The following ALK variants were observed in gnomAD, a reference collection of about 807,000 sequenced individuals.
The protein encoded by ALK is ALK receptor tyrosine kinase.
A neutral mutation model predicts 163.1 loss-of-function variants in ALK; 74 were observed. The ratio of observed to expected loss-of-function variants is 0.45; its 90% CI spans 0.38 to 0.55. The LOEUF (loss-of-function observed/expected upper bound fraction) is 0.55. Ranked by LOEUF, ALK falls within the 20% of genes least tolerant of loss-of-function variation. The probability of loss-of-function intolerance (pLI) is 0.00; values close to 1 mark genes in which losing one functional copy is unlikely to be tolerated. For synonymous variants in ALK, 960 were observed against 843.2 expected (o/e 1.14, Z -2.40); for missense variants, 2,063 against 2,105.3 (o/e 0.98, Z 0.39).
intron 3 of ALK, among the ~76,000 whole-genome samples, chr2:29,640,049 A>C (rs7606115): frequency 0.14 from 20,725 of 152,144 alleles, 3,279 homozygotes; most frequent in African/African-American, 0.39. Flanking sequence ...ATGCAACTAC[A>C]GAAGAAGAAG....
rs796857722 is a variant in ALK at position 29,894,853 on chromosome 2, A to AACAC, written c.667+25136_667+25139dup. On this transcript the variant is annotated intron_variant, in intron 1 of 28. Coordinates refer to ENST00000389048, the MANE Select transcript of ALK (RefSeq NM_004304.5). Reference sequence around the variant, plus strand: ...CTTCAAACACACACACACACACACAAACACACACACACACACACACACACC... The same window carrying AACAC: ...CTTCAAACACACACACACACACACAAACACACACACACACACACACACACACACC... 1.5e-4 allele frequency among the ~76,000 whole-genome samples: 5 copies of AACAC among 33,404 alleles called. No homozygotes were observed. In the South Asian group the frequency reaches 3.8e-3, roughly 25 times the overall value. The allele number at this position is 33,404 out of a possible 152,430, so 21.9% of individuals were successfully genotyped here. A position where few individuals can be genotyped will look rare whatever the true frequency, so the allele number is the denominator to read the frequency against.
chr2:29,596,641 G>C (rs776718414), intron 3 of ALK, among the ~76,000 whole-genome samples: 1 of 152,184 alleles, frequency 6.6e-6, no homozygotes, highest in Non-Finnish European at 1.5e-5. Flanking sequence ...GTGGCACTGA[G>C]GATTTATGAC....
intron 3 of ALK, among the ~76,000 whole-genome samples, chr2:29,638,021 A>AGC (rs1676592163): frequency 1.3e-5 from 2 of 151,670 alleles, no homozygotes; most frequent in African/African-American, 4.8e-5. Flanking sequence ...AAATAAGCAG[A>AGC]GCTCTAGTGT....
At chr2:29,346,411 G>T (rs1667950695) in intron 5 of ALK, among the ~76,000 whole-genome samples, 1 of 152,222 alleles carries the variant, frequency 6.6e-6, no homozygotes, top group Non-Finnish European at 1.5e-5. Context: ...AATCAGGGCT[G>T]GTCCAAGTGT....
intron 4 of ALK, among the ~76,000 whole-genome samples, chr2:29,431,305 TA>T (rs1195397173): frequency 6.6e-6 from 1 of 152,170 alleles, no homozygotes; most frequent in Non-Finnish European, 1.5e-5. Context: ...AATGTGTATT[TA>T]AGGCTGTGTC....
chr2:29,318,194 C>T, intron 8 of ALK, 110 bp downstream of exon 8: 1 of 867,598 alleles, frequency 1.2e-6, no homozygotes, highest in Non-Finnish European at 1.9e-6. Context: ...TTGTTCTCTC[C>T]CCAGGAGAAC....
intron 1 of ALK, among the ~76,000 whole-genome samples, chr2:29,836,241 A>G (rs1392283197): frequency 6.6e-6 from 1 of 152,228 alleles, no homozygotes; most frequent in African/African-American, 2.4e-5. Flanking sequence ...TATCAAAGTT[A>G]TCTGTATCAC....
In ALK at chr2:29,275,179, T is replaced by A; in HGVS notation, c.1961A>T (p.Asn654Ile). 1 of 1,614,058 alleles carries A rather than the reference T, an allele frequency of 6.2e-7. No homozygotes were observed. Among genetic ancestry groups the A allele is most frequent in the Non-Finnish European group, 8.5e-7 (1 of 1,180,000 alleles). Residue 654 changes from asparagine to isoleucine, a missense_variant, in exon 11 of 29, where the codon AAC (asparagine) becomes ATC (isoleucine). Physicochemically the swap from Asn to Ile is moderately radical, Grantham distance 149. This residue lies in a region of ALK where 987 missense variants were observed against 939.5 expected (regional missense o/e 1.05). Transcript: ENST00000389048. ...ILQNTAPKSR[N>I]LFERNPNKEL... The stretch of plus-strand genomic sequence containing the variant: ...CTTGTTTGGGTTTCTCTCAAACAGG[T>A]TTCTTGATTTGGGTGCTGTATTCTG...
chr2:29,683,859 C>T (rs1180003705), intron 3 of ALK, among the ~76,000 whole-genome samples: 1 of 152,156 alleles, frequency 6.6e-6, no homozygotes, highest in African/African-American at 2.4e-5. Context: ...TGTGTTACTC[C>T]ACTATGCCAT....
chr2:29,757,239 C>T (rs577953255), intron 1 of ALK, among the ~76,000 whole-genome samples: 1 of 152,314 alleles, frequency 6.6e-6, no homozygotes, highest in South Asian at 2.1e-4. Flanking sequence ...GCCAGACGGG[C>T]ATCTTGGAGC....
At chr2:29,427,037 C>CAAAAAAA (rs70958261) in intron 4 of ALK, among the ~76,000 whole-genome samples, 3 of 40,128 alleles carry the variant, frequency 7.5e-5, no homozygotes, top group African/African-American at 2.3e-4. Flanking sequence ...GACTCCGTCT[C>CAAAAAAA]AAAAAAAAAA....
intron 4 of ALK, among the ~76,000 whole-genome samples, chr2:29,454,059 A>T (rs1670888490): frequency 6.6e-6 from 1 of 152,176 alleles, no homozygotes; most frequent in South Asian, 2.1e-4. Context: ...ACCGGATGGA[A>T]CTGTCACAGT....
chr2:29,836,715 AG>A (rs1164658573), intron 1 of ALK, among the ~76,000 whole-genome samples: 3 of 152,208 alleles, frequency 2.0e-5, no homozygotes, highest in Non-Finnish European at 4.4e-5. Context: ...ATATCAATTT[AG>A]CTCCAAAATC....
chr2:29,721,429 G>A (rs1315127818), intron 1 of ALK, among the ~76,000 whole-genome samples: 2 of 152,106 alleles, frequency 1.3e-5, no homozygotes, highest in African/African-American at 4.8e-5. Context: ...AGACCCTCAG[G>A]ATGGCCCGGG....
At chr2:29,747,438 C>T (rs1035157506) in intron 1 of ALK, among the ~76,000 whole-genome samples, 3 of 152,130 alleles carry the variant, frequency 2.0e-5, no homozygotes, top group Non-Finnish European at 4.4e-5. Flanking sequence ...ATGGAAGTTT[C>T]CTTTACTATT....
At chr2:29,610,640 A>C (rs1050809820) in intron 3 of ALK, among the ~76,000 whole-genome samples, 1 of 152,166 alleles carries the variant, frequency 6.6e-6, no homozygotes, top group African/African-American at 2.4e-5. Flanking sequence ...AGTTGGATTT[A>C]AACTGACAAG....
At chr2:29,229,609 G>T (rs149055818) in intron 15 of ALK, among the ~76,000 whole-genome samples, 1 of 152,292 alleles carries the variant, frequency 6.6e-6, no homozygotes, top group East Asian at 1.9e-4. Context: ...GGGGAAGAAC[G>T]CCCCATTCTG....
At chr2:29,830,335 T>C (rs185669541) in intron 1 of ALK, among the ~76,000 whole-genome samples, 62 of 152,274 alleles carry the variant, frequency 4.1e-4, no homozygotes, top group Middle Eastern at 3.4e-3. Context: ...AGAAAAATCA[T>C]TGGTCAATTT....
chr2:29,831,076 AGG>A (rs1342571495), intron 1 of ALK, among the ~76,000 whole-genome samples: 494 of 9,444 alleles, frequency 0.052, 12 homozygotes, highest in African/African-American at 0.092. Context: ...GAAGGGGAGG[AGG>A]AGGAGGAGGA....
Sources: allele counts gnomAD v4.1 joint callset (sites outside exome capture counted in the v4.1 genomes callset), GRCh38; gene constraint gnomAD v4.1.1; regional missense constraint gnomAD v4.1.1; transcripts MANE v1.5; gene names NCBI Gene and HGNC (gene_info 2026-07-23, HGNC 2026-07-21).